The following PREP variants were observed in gnomAD, a reference collection of about 807,000 sequenced individuals.
PREP encodes the protein prolyl endopeptidase, also known as dJ355L5.1 (prolyl endopeptidase).
A neutral mutation model predicts 87.6 loss-of-function variants in PREP; 29 were observed. That is an observed-to-expected ratio of 0.33 (90% CI 0.25 to 0.45). The LOEUF is 0.45. Ranked by LOEUF, PREP falls within the 20% of genes least tolerant of loss-of-function variation. The pLI is 1.00. For synonymous variants in PREP, 337 were observed against 328.6 expected (o/e 1.03, Z -0.28); for missense variants, 695 against 886.5 (o/e 0.78, Z 2.74).
rs79764185 is a variant in PREP, at chr6:105,401,972, A to G, written c.45+875T>C. ...TATTAGTAAGAGAATCACGGCCACA[A>G]CATGTGGATGCAATCCAGTTCCTAA... On this transcript the variant is annotated intron_variant, in intron 1 of 14. Coordinates refer to ENST00000652536, the MANE Select transcript of PREP (RefSeq NM_002726.5). 8.2e-3 allele frequency among the ~76,000 whole-genome samples: 1,251 copies of G among 152,314 alleles called. 11 individuals are homozygous for G. The highest frequency in any genetic ancestry group is 0.029 in the African/African-American group (1,198 of 41,556).
intron 8 of PREP, among the ~76,000 whole-genome samples, chr6:105,332,688 CAATA>C (rs1583061314): frequency 1.3e-5 from 2 of 152,060 alleles, no homozygotes; most frequent in South Asian, 2.1e-4. Flanking sequence ...AACTTTCATG[CAATA>C]AATAATTTAT....
chr6:105,300,757 G>A (rs1770516783), intron 10 of PREP, among the ~76,000 whole-genome samples: 1 of 152,100 alleles, frequency 6.6e-6, no homozygotes, highest in Non-Finnish European at 1.5e-5. Context: ...TTTAACTCTG[G>A]AAGCATGTTT....
chr6:105,280,067 T>C (rs1770045602), intron 14 of PREP, among the ~76,000 whole-genome samples: 1 of 152,168 alleles, frequency 6.6e-6, no homozygotes, highest in Admixed American at 6.5e-5. Flanking sequence ...TTAAAAAAAA[T>C]TCAGTCATTT....
chr6:105,306,509 C>T (rs776788281), intron 10 of PREP, among the ~76,000 whole-genome samples: 1 of 152,112 alleles, frequency 6.6e-6, no homozygotes, highest in Non-Finnish European at 1.5e-5. Flanking sequence ...CATTGACTGG[C>T]CCCTCTCATA....
At chr6:105,380,055 T>C (rs917057337) in intron 2 of PREP, among the ~76,000 whole-genome samples, 15 of 152,216 alleles carry the variant, frequency 9.9e-5, no homozygotes, top group African/African-American at 3.1e-4. Context: ...ATCTTCATTA[T>C]AGTTTGGAAA....
chr6:105,332,711 A>G (rs977467067), intron 8 of PREP, among the ~76,000 whole-genome samples: 1 of 152,232 alleles, frequency 6.6e-6, no homozygotes, highest in Non-Finnish European at 1.5e-5. Flanking sequence ...ATAAAGCAGC[A>G]TATCATTTTT....
At chr6:105,346,300 C>A (rs1771796003) in intron 7 of PREP, among the ~76,000 whole-genome samples, 1 of 152,224 alleles carries the variant, frequency 6.6e-6, no homozygotes, top group South Asian at 2.1e-4. Flanking sequence ...TCAGTATCAT[C>A]TCTGCTACCT....
chr6:105,375,241 C>T (rs765275475), intron 4 of PREP, among the ~76,000 whole-genome samples: 12 of 152,222 alleles, frequency 7.9e-5, no homozygotes, highest in Middle Eastern at 3.4e-3. Context: ...TCTGATGGAA[C>T]GGGGCTCTAT....
chr6:105,379,283 C>T (rs1286306759), intron 2 of PREP, among the ~76,000 whole-genome samples: 1 of 152,184 alleles, frequency 6.6e-6, no homozygotes, highest in African/African-American at 2.4e-5. Flanking sequence ...CCAACAGAGA[C>T]TTATGTGGCT....
In PREP at chr6:105,278,481, A is replaced by AGAG. The variant is rs1554203405; in HGVS notation, c.1839-46_1839-44dup. On this transcript the variant is annotated intron_variant, in intron 14 of 14. Coordinates refer to ENST00000652536, the MANE Select transcript of PREP (RefSeq NM_002726.5). This position sits in a 1 kb window ranked among gnomAD's most constrained non-coding sequence, Gnocchi z 4.2. ...CTTTGTGAGGCTGGAGAGCAACAGT[A>AGAG]GAGTTTTATGGCACAGGGACCTAGG... is the stretch of plus-strand genomic sequence containing the variant. The AGAG allele has an allele frequency of 6.4e-7, 1 of 1,565,456 alleles. No individual in the cohort carries two copies. The highest frequency in any genetic ancestry group is 1.7e-5 in the Admixed American group (1 of 58,636).
chr6:105,371,243 G>T lies in PREP; in HGVS notation c.595+2126C>A, dbSNP rs113238041. On this transcript the variant is annotated intron_variant, in intron 5 of 14. Coordinates refer to ENST00000652536, the MANE Select transcript of PREP (RefSeq NM_002726.5). ...GTATCGGCCAGGCGTGGTGGCTCAC[G>T]CCTATAATCCCAGCACTTTGGGAGG... 2.4e-3 allele frequency among the ~76,000 whole-genome samples: 368 copies of T among 152,130 alleles called. 1 individual carries two copies. Among genetic ancestry groups the T allele is most frequent in the Middle Eastern group, 6.8e-3 (2 of 294 alleles).
At chr6:105,323,893 A>G in intron 9 of PREP, 125 bp from the exon 10 acceptor site, 1 of 799,750 alleles carries the variant, frequency 1.3e-6, no homozygotes, top group Admixed American at 2.0e-5. Flanking sequence ...GGACTTGGTT[A>G]ATCCCCACCA....
chr6:105,390,371 C>A (rs1056681411), intron 2 of PREP, among the ~76,000 whole-genome samples: 1 of 152,084 alleles, frequency 6.6e-6, no homozygotes, highest in Non-Finnish European at 1.5e-5. Flanking sequence ...TTTTTCCAAT[C>A]CTGTTAGAGT....
chr6:105,362,534 T>C (rs946021463), intron 6 of PREP, among the ~76,000 whole-genome samples: 10 of 152,214 alleles, frequency 6.6e-5, no homozygotes, highest in African/African-American at 2.4e-4. Flanking sequence ...AGAAAAGCGA[T>C]TGATCAACAA....
intron 10 of PREP, among the ~76,000 whole-genome samples, chr6:105,297,630 C>T (rs567106002): frequency 6.6e-6 from 1 of 152,278 alleles, no homozygotes; most frequent in East Asian, 1.9e-4. Flanking sequence ...TTATGGGACC[C>T]TCAATGGACA....
chr6:105,395,346 T>A (rs1356016545), intron 2 of PREP, among the ~76,000 whole-genome samples: 1 of 152,206 alleles, frequency 6.6e-6, no homozygotes, highest in African/African-American at 2.4e-5. Flanking sequence ...GTGTAATTGA[T>A]AACCACCTCG....
chr6:105,347,031 C>T (rs1771816563), intron 7 of PREP, among the ~76,000 whole-genome samples: 2 of 150,098 alleles, frequency 1.3e-5, no homozygotes, highest in Non-Finnish European at 2.9e-5. Flanking sequence ...ACCCAGGAGG[C>T]GGAAGGTGCA....
At chr6:105,302,908 G>A (rs1271127623) in intron 10 of PREP, 1 of 225,812 alleles carries the variant, frequency 4.4e-6, no homozygotes, top group East Asian at 1.5e-4. Flanking sequence ...GCTTACCTCA[G>A]GTCCGGAGCT....
chr6:105,292,652 C>A (rs1216290334), intron 10 of PREP, among the ~76,000 whole-genome samples: 1 of 151,864 alleles, frequency 6.6e-6, no homozygotes, highest in Non-Finnish European at 1.5e-5. Flanking sequence ...TCCCTTGAAG[C>A]TTTGAAGCCA....
Sources: allele counts gnomAD v4.1 joint callset (sites outside exome capture counted in the v4.1 genomes callset), GRCh38; gene constraint gnomAD v4.1.1; non-coding constraint Gnocchi (gnomAD v3.1); transcripts MANE v1.5; gene names NCBI Gene and HGNC (gene_info 2026-07-23, HGNC 2026-07-21).